GLI3: variants seen among roughly 807,000 people sequenced by gnomAD.
GLI3 encodes the protein GLI family zinc finger 3, also known as transcription activator GLI3.
A neutral mutation model predicts 100.8 loss-of-function variants in GLI3; 20 were observed. The ratio of observed to expected loss-of-function variants is 0.20; its 90% CI spans 0.14 to 0.29. The LOEUF (loss-of-function observed/expected upper bound fraction) is 0.29, where lower values mean the gene tolerates loss of function less well. GLI3 is among the 10% of genes least tolerant of loss of function. GLI3 has a pLI of 1.00. For synonymous variants in GLI3, 938 were observed against 860.5 expected (o/e 1.09, Z -1.58); for missense variants, 2,040 against 2,128.5 (o/e 0.96, Z 0.82).
chr7:42,023,045 T>C (rs1375716543), intron 10 of GLI3, among the ~76,000 whole-genome samples: 1 of 152,216 alleles, frequency 6.6e-6, no homozygotes, highest in East Asian at 1.9e-4. Flanking sequence ...GGAGCTTCCT[T>C]AGGCTTTGAG....
chr7:42,027,569 G>GT (rs1429135878), intron 7 of GLI3, among the ~76,000 whole-genome samples: 3 of 152,234 alleles, frequency 2.0e-5, no homozygotes, highest in Admixed American at 1.3e-4. Flanking sequence ...ACAACTTTAA[G>GT]TAATAATTCC....
intron 2 of GLI3, among the ~76,000 whole-genome samples, chr7:42,193,033 T>G (rs1787859381): frequency 6.6e-6 from 1 of 152,074 alleles, no homozygotes; most frequent in East Asian, 1.9e-4. Context: ...CCAGCAAGTT[T>G]AGGGTTTCAA....
In GLI3 at chr7:42,223,141, G is replaced by A. The variant is rs1303088630; in HGVS notation, c.113C>T (p.Thr38Ile). 2 of 1,613,874 alleles carry A rather than the reference G, an allele frequency of 1.2e-6. No homozygotes were observed. Among genetic ancestry groups the A allele is most frequent in the African/African-American group, 1.3e-5 (1 of 74,886 alleles). Residue 38 changes from threonine to isoleucine, a missense_variant, in exon 2 of 15, where the codon ACC becomes ATC. Around this residue, in one of 5 missense-constraint regions of GLI3, gnomAD observed 603 missense variants for 690.9 expected, o/e 0.87. Transcript: ENST00000395925. ...DVSEKAVASS[T>I]TSNEDESPGQ... is the part of the protein sequence containing the mutation. ...CCTGTGCTGCTCACCATTAGAAGTG[G>A]TGCTGGAGGCAACGGCTTTCTCGCT...
Position 42,056,753 on chromosome 7 carries a change from C to T in GLI3, c.474-8057G>A, listed in dbSNP as rs549761286. The stretch of plus-strand genomic sequence containing the variant: ...ATCACCTGAGGTGGAGAGTTTGAGA[C>T]CAGTGTGACCAACATGGAGAAACCC... On this transcript the variant is annotated intron_variant, in intron 4 of 14. Transcript: ENST00000395925. 2.0e-5 allele frequency among the ~76,000 whole-genome samples: 3 copies of T among 151,230 alleles called. No individual in the cohort carries two copies. In the East Asian group the frequency reaches 5.8e-4, roughly 29 times the overall value.
intron 2 of GLI3, 84 bp downstream of exon 2, chr7:42,223,046 G>A (rs1372139434): frequency 4.6e-6 from 7 of 1,524,632 alleles, no homozygotes; most frequent in East Asian, 2.3e-5. Flanking sequence ...CACTGGTCCA[G>A]GTGCAAACGC....
chr7:42,215,963 G>A (rs1310810500), intron 2 of GLI3, among the ~76,000 whole-genome samples: 3 of 152,150 alleles, frequency 2.0e-5, no homozygotes, highest in Non-Finnish European at 4.4e-5. Flanking sequence ...TGAAAGGAGT[G>A]AGATGAAATG....
rs115118121 is a variant in GLI3, at chr7:42,039,422, G to A, written c.1028+616C>T. Among the ~76,000 whole-genome samples, 1,223 of 152,294 alleles carry A rather than the reference G, an allele frequency of 8.0e-3. 19 individuals carry two copies. The highest frequency in any genetic ancestry group is 0.028 in the African/African-American group (1,173 of 41,564). ...TTCTGTCAAGCAAGGAACTATCCACGGTTAACAAAGGTGTATGGTCAAAAT... is the reference window on the plus strand; with the variant it reads ...TTCTGTCAAGCAAGGAACTATCCACAGTTAACAAAGGTGTATGGTCAAAAT... On this transcript the variant is annotated intron_variant, in intron 7 of 14. Transcript: ENST00000395925.
chr7:42,125,628 T>C (rs1446330857), intron 3 of GLI3, among the ~76,000 whole-genome samples: 1 of 152,150 alleles, frequency 6.6e-6, no homozygotes, highest in African/African-American at 2.4e-5. Context: ...TCCCCTGCCA[T>C]GCACACGACA....
rs771132000 is a variant in GLI3, at chr7:42,040,042, T to C, written c.1024A>G (p.Ile342Val). The part of the protein sequence containing the change: ...GSYGHLSASA[I>V]SPALSFTYSS... ...TGGATTCAGGAAAATACATACCTGATTGCACTTGCAGATAAGTGACCATAG... is the reference window on the plus strand; with the variant it reads ...TGGATTCAGGAAAATACATACCTGACTGCACTTGCAGATAAGTGACCATAG... The change falls in exon 7 of 15, where the codon ATC becomes GTC. Residue 342 changes from isoleucine (I) to valine (V), a missense_variant. Physicochemically the swap from Ile to Val is conservative, Grantham distance 29. This residue lies in a region of GLI3 where 603 missense variants were observed against 690.9 expected (regional missense o/e 0.87). Coordinates refer to ENST00000395925, the MANE Select transcript of GLI3 (RefSeq NM_000168.6). The C allele has an allele frequency of 1.3e-5, 21 of 1,607,542 alleles. No individual in the cohort carries two copies. Among genetic ancestry groups the C allele is most frequent in the Non-Finnish European group, 1.6e-5 (19 of 1,173,994 alleles).
chr7:42,198,571 C>T (rs559070804), intron 2 of GLI3, among the ~76,000 whole-genome samples: 3 of 152,154 alleles, frequency 2.0e-5, no homozygotes, highest in Non-Finnish European at 4.4e-5. Flanking sequence ...TTCCAAACAC[C>T]CTCTACCTCA....
intron 2 of GLI3, among the ~76,000 whole-genome samples, chr7:42,171,004 T>C (rs1446045676): frequency 1.3e-5 from 2 of 152,160 alleles, no homozygotes; most frequent in African/African-American, 4.8e-5. Flanking sequence ...TGTAAAATTA[T>C]AGGGTTCTAT....
chr7:42,154,994 C>T (rs1786966347), intron 2 of GLI3, among the ~76,000 whole-genome samples: 1 of 152,238 alleles, frequency 6.6e-6, no homozygotes, highest in South Asian at 2.1e-4. Context: ...TTAAACTGCA[C>T]TGCCAGGCCT....
At chr7:42,187,043 CAA>C (rs5883815) in intron 2 of GLI3, among the ~76,000 whole-genome samples, 1 of 146,764 alleles carries the variant, frequency 6.8e-6, no homozygotes. Context: ...GAACCTGTCT[CAA>C]AAAAAAAAAA....
intron 10 of GLI3, among the ~76,000 whole-genome samples, chr7:41,994,673 T>A (rs570539355): frequency 1.3e-5 from 2 of 152,372 alleles, no homozygotes; most frequent in South Asian, 4.1e-4. Flanking sequence ...TTTCTTGCTT[T>A]GTCTTTTACC....
At chr7:42,155,191 G>A (rs992188220) in intron 2 of GLI3, among the ~76,000 whole-genome samples, 4 of 152,008 alleles carry the variant, frequency 2.6e-5, no homozygotes, top group Non-Finnish European at 4.4e-5. Flanking sequence ...TGTAATCCCA[G>A]CACTTTGGGA....
At chr7:42,114,485 G>T (rs906946952) in intron 3 of GLI3, among the ~76,000 whole-genome samples, 2 of 152,116 alleles carry the variant, frequency 1.3e-5, no homozygotes, top group Admixed American at 1.3e-4. Flanking sequence ...TAGCAGGTGT[G>T]TGTGAAGGAT....
intron 1 of GLI3, among the ~76,000 whole-genome samples, chr7:42,261,223 A>C (rs1240188774): frequency 8.5e-5 from 6 of 70,852 alleles, no homozygotes; most frequent in South Asian, 4.1e-4. Context: ...ACACACACAC[A>C]ACACACACAC....
intron 1 of GLI3, among the ~76,000 whole-genome samples, chr7:42,252,031 C>T (rs1320259909): frequency 6.6e-6 from 1 of 152,124 alleles, no homozygotes; most frequent in Non-Finnish European, 1.5e-5. Context: ...ATAAATCATT[C>T]TACCATAAAG....
rs1786612767 is a variant in GLI3 at position 42,143,104 on chromosome 7, G to T, written c.367+5122C>A. 3.9e-5 allele frequency among the ~76,000 whole-genome samples: 6 copies of T among 152,306 alleles called. No individual in the cohort carries two copies. The South Asian group carries it at 1.2e-3, about 32-fold the overall frequency. ...AGCTCACAAATAATAGTTTTGCAAAGGTTTATGGACTTGTTTGGATCTCCT... is the reference window on the plus strand; with the variant it reads ...AGCTCACAAATAATAGTTTTGCAAATGTTTATGGACTTGTTTGGATCTCCT... On this transcript the variant is annotated intron_variant, in intron 3 of 14. Coordinates refer to ENST00000395925, the MANE Select transcript of GLI3 (RefSeq NM_000168.6).
Sources: allele counts gnomAD v4.1 joint callset (sites outside exome capture counted in the v4.1 genomes callset), GRCh38; gene constraint gnomAD v4.1.1; regional missense constraint gnomAD v4.1.1; transcripts MANE v1.5; gene names NCBI Gene and HGNC (gene_info 2026-07-23, HGNC 2026-07-21).